Variants in KRT10 observed in about 807,000 individuals in gnomAD.
KRT10 encodes the protein keratin, type I cytoskeletal 10.
KRT10 carries 40 observed loss-of-function variants against 59.2 expected under a neutral mutation model. That is an observed-to-expected ratio of 0.68 (90% confidence interval 0.52 to 0.88). The LOEUF is 0.88. Ranked by LOEUF, KRT10 falls within the 40% of genes least tolerant of loss-of-function variation. The pLI is 0.00. For synonymous variants in KRT10, 336 were observed against 310.7 expected (o/e 1.08, Z -0.86); for missense variants, 719 against 749.1 (o/e 0.96, Z 0.47).
rs1370225874 is a variant in KRT10, at chr17:40,820,390, C to T, written c.901G>A (p.Asp301Asn). Residue 301 changes from aspartate (D) to asparagine (N), a missense_variant, in exon 4 of 8, where the codon GAT (aspartate) becomes AAT (asparagine). Asp to Asn is a conservative substitution (Grantham distance 23). Coordinates refer to ENST00000269576, the MANE Select transcript of KRT10 (RefSeq NM_000421.5). ...GCAGCATTCATTTCCACATTCACATCACCAGTGGACACATTTCGAAGGTCT... is the reference window on the plus strand; with the variant it reads ...GCAGCATTCATTTCCACATTCACATTACCAGTGGACACATTTCGAAGGTCT... ...MKDLRNVSTG[D>N]VNVEMNAAPG... The T allele has an allele frequency of 1.2e-6, 2 of 1,614,112 alleles. No individual in the cohort carries two copies. The highest frequency in any genetic ancestry group is 1.7e-6 in the Non-Finnish European group (2 of 1,180,046).
Position 40,822,016 on chromosome 17 carries a change from C to G in KRT10, c.570G>C (p.Gln190His), listed in dbSNP as rs200118465. 2.5e-5 allele frequency: 41 copies of G among 1,614,042 alleles called. No homozygotes were observed. The highest frequency in any genetic ancestry group is 1.6e-4 in the Middle Eastern group (1 of 6,084). The change falls in exon 1 of 8, where the codon CAG (glutamine) becomes CAC (histidine). Residue 190 changes from glutamine (Q) to histidine (H), a missense_variant. Coordinates refer to ENST00000269576, the MANE Select transcript of KRT10 (RefSeq NM_000421.5). ...ATTTGCTGTAGTCACGAGGCTCCCCCTGATGTGAGTTGCCATGCTTTTCAT... is the reference window on the plus strand; with the variant it reads ...ATTTGCTGTAGTCACGAGGCTCCCCGTGATGTGAGTTGCCATGCTTTTCAT... ...EWYEKHGNSH[Q>H]GEPRDYSKYY...
chr17:40,818,376 T>A lies in KRT10; in HGVS notation c.*100A>T. 6.4e-7 allele frequency: 1 copy of A among 1,557,138 alleles called. No individual in the cohort carries two copies. The highest frequency in any genetic ancestry group is 1.7e-5 in the Admixed American group (1 of 57,908). On this transcript the variant is annotated 3_prime_UTR_variant, in exon 8 of 8. Transcript: ENST00000269576. ...GGAGACTCTTTCCTCTTGATGCAGT[T>A]TAATAGTAGTGTTTCTTGGTTTCTG...
At position 40,822,052 on chromosome 17, in the gene KRT10, G is replaced by A; in HGVS notation, c.534C>T (p.Ile178=). ...EESNYELEGK[I]KEWYEKHGNS... The stretch of plus-strand genomic sequence containing the variant: ...TGCCATGCTTTTCATACCACTCCTT[G>A]ATTTTGCCTTCCAGCTCATAGTTTG... The change falls in exon 1 of 8, where the codon ATC becomes ATT. Residue 178 remains isoleucine, a synonymous_variant. Coordinates refer to ENST00000269576, the MANE Select transcript of KRT10 (RefSeq NM_000421.5). 6.2e-7 allele frequency: 1 copy of A among 1,614,082 alleles called. No homozygotes were observed. Among genetic ancestry groups the A allele is most frequent in the South Asian group, 1.1e-5 (1 of 91,074 alleles).
rs755521798 is a variant in KRT10, at chr17:40,821,041, C to G, written c.704G>C (p.Arg235Thr). 1.9e-6 allele frequency: 3 copies of G among 1,611,998 alleles called. No homozygotes were observed. In the South Asian group the frequency reaches 3.3e-5, roughly 18 times the overall value. ...DNARLAADDF[R>T]LKYENEVALR... The stretch of plus-strand genomic sequence containing the variant: ...CAACGATCACTTAACTTACTTCAGC[C>G]TGAAGTCATCAGCTGCCAGCCTGGC... Residue 235 changes from arginine (R) to threonine (T), a missense_variant, in exon 2 of 8, where the codon AGG becomes ACG. By Grantham distance (71) the Arg-to-Thr change is moderately conservative. Around this residue, in one of 4 missense-constraint regions of KRT10, gnomAD observed 221 missense variants for 277.8 expected, o/e 0.80. Transcript: ENST00000269576.
Position 40,820,278 on chromosome 17 carries a change from G to C in KRT10, c.1013C>G (p.Ala338Gly). The change falls in exon 4 of 8, where the codon GCC becomes GGC. Residue 338 changes from alanine to glycine, a missense_variant. Ala to Gly is a moderately conservative substitution (Grantham distance 60, BLOSUM62 0). This residue lies in a region of KRT10 where 221 missense variants were observed against 277.8 expected (regional missense o/e 0.80). Coordinates refer to ENST00000269576, the MANE Select transcript of KRT10 (RefSeq NM_000421.5). ...LAEQNRKDAE[A>G]WFNEKSKELT... ...TTACTTTACCTTTTCATTGAACCAGGCTTCAGCATCTTTGCGGTTTTGTTC... is the reference window on the plus strand; with the variant it reads ...TTACTTTACCTTTTCATTGAACCAGCCTTCAGCATCTTTGCGGTTTTGTTC... 2 of 1,614,142 alleles carry C rather than the reference G, an allele frequency of 1.2e-6. No homozygotes were observed. The highest frequency in any genetic ancestry group is 1.7e-6 in the Non-Finnish European group (2 of 1,180,030).
rs769845011 is a variant in KRT10, at chr17:40,822,494, ACTC to A, written c.89_91del (p.Gly30del). ...GCTGCTAGAAATTCTTAGGGATGAC[ACTC>A]CTCCTCCTCCTCCACATCCTCCTCC... On this transcript the variant is annotated inframe_deletion, in exon 1 of 8. Coordinates refer to ENST00000269576, the MANE Select transcript of KRT10 (RefSeq NM_000421.5). The A allele has an allele frequency of 1.3e-4, 204 of 1,604,558 alleles. No individual in the cohort carries two copies. Among genetic ancestry groups the A allele is most frequent in the Non-Finnish European group, 1.5e-4 (176 of 1,175,650 alleles).
rs1567706223 is a variant in KRT10, at chr17:40,818,911, A to AGCTGCT, written c.1623_1624insAGCAGC (p.Gly541_Tyr542insSerSer). On this transcript the variant is annotated inframe_insertion, in exon 7 of 8. Transcript: ENST00000269576. ...CCGCCGCCGGAGCTGCCGCCCCCGT[A>AGCTGCT]GCCGCCGCCGCCGCCGCCGGAACTG... The AGCTGCT allele has an allele frequency of 1.1e-4, 134 of 1,246,118 alleles. 2 individuals are homozygous for AGCTGCT. In the East Asian group the frequency reaches 3.6e-3, roughly 34 times the overall value. The allele number at this position is 1,246,118 out of a possible 1,614,324, so 77.2% of individuals were successfully genotyped here.
At chr17:40,821,923 A>G (rs1832292203) in intron 1 of KRT10, 36 bp downstream of exon 1, 1 of 1,606,620 alleles carries the variant, frequency 6.2e-7, no homozygotes, top group South Asian at 1.1e-5. Flanking sequence ...TTACATGGAC[A>G]AGATACTTAA....
chr17:40,822,331 A>G lies in KRT10; in HGVS notation c.255T>C (p.Phe85=). 2 of 1,596,374 alleles carry G rather than the reference A, an allele frequency of 1.3e-6. No individual in the cohort carries two copies. Among genetic ancestry groups the G allele is most frequent in the Non-Finnish European group, 1.7e-6 (2 of 1,170,454 alleles). Reference sequence around the variant, plus strand: ...AGCTGCTACTTCCATAGCTTCCACGAAAGCTACCTCCACCAAAACCTCCTA... The same window carrying G: ...AGCTGCTACTTCCATAGCTTCCACGGAAGCTACCTCCACCAAAACCTCCTA... ...GGLGGFGGGS[F]RGSYGSSSFG... The change falls in exon 1 of 8, where the codon TTT becomes TTC. Residue 85 remains phenylalanine, a synonymous_variant. Transcript: ENST00000269576.
chr17:40,821,621 C>G (rs1318056597), intron 1 of KRT10, among the ~76,000 whole-genome samples: 1 of 151,994 alleles, frequency 6.6e-6, no homozygotes, highest in East Asian at 1.9e-4. Context: ...GTCTGAATAA[C>G]ATTTTGTTCT....
At chr17:40,821,166 G>A (rs1397175012) in intron 1 of KRT10, 49 bp from the exon 2 acceptor site, 1 of 1,353,770 alleles carries the variant, frequency 7.4e-7, no homozygotes, top group Non-Finnish European at 1.1e-6. Flanking sequence ...TGCAGATATG[G>A]CTTTTGTAGT....
Position 40,820,451 on chromosome 17 carries a change from G to C in KRT10, c.868-28C>G, listed in dbSNP as rs995954238. The C allele has an allele frequency of 1.9e-6, 3 of 1,614,014 alleles. No individual in the cohort carries two copies. In the African/African-American group the frequency reaches 4.0e-5, roughly 22 times the overall value. ...GTTTGAGGAACAGAAAGATTTATTG[G>C]CTACACGAGGACCATAATGAACTCT... On this transcript the variant is annotated intron_variant, in intron 3 of 7. Transcript: ENST00000269576.
Position 40,821,230 on chromosome 17 carries a change from A to T in KRT10, c.628-113T>A, listed in dbSNP as rs975920104. The T allele has an allele frequency of 7.8e-6, 6 of 765,094 alleles. No individual in the cohort carries two copies. The African/African-American group carries it at 8.7e-5, about 11-fold the overall frequency. 47.4% of individuals were successfully genotyped at this position (765,094 alleles called of 1,614,324 possible). On this transcript the variant is annotated intron_variant, in intron 1 of 7. Transcript: ENST00000269576. ...TGTTCTCTTACAAAATCTTGGGAAA[A>T]TTTTTTATTTTAAATATGAAATATT...
At position 40,822,592 on chromosome 17, in the gene KRT10, G is replaced by A; in HGVS notation, c.-7C>T. ...AGCTGTATCGAACAGACATGGTGAT[G>A]CTGTTTAGCCCAGGGAGTGCCTGCT... On this transcript the variant is annotated 5_prime_UTR_variant, in exon 1 of 8. Coordinates refer to ENST00000269576, the MANE Select transcript of KRT10 (RefSeq NM_000421.5). The A allele has an allele frequency of 6.2e-7, 1 of 1,600,202 alleles. No homozygotes were observed. Among genetic ancestry groups the A allele is most frequent in the Non-Finnish European group, 8.5e-7 (1 of 1,179,940 alleles).
chr17:40,821,275 T>C (rs1905367083), intron 1 of KRT10, among the ~76,000 whole-genome samples, 158 bp from the exon 2 acceptor site: 1 of 152,240 alleles, frequency 6.6e-6, no homozygotes, highest in African/African-American at 2.4e-5. Flanking sequence ...CCCATATACT[T>C]AACTTTGAAT....
rs1402287689 is a variant in KRT10 at position 40,822,340 on chromosome 17, T to G, written c.246A>C (p.Gly82=). ...GGYGGLGGFG[G]GSFRGSYGSS... ...TTCCATAGCTTCCACGAAAGCTACC[T>G]CCACCAAAACCTCCTAATCCTCCAT... Residue 82 remains glycine (G), a synonymous_variant, in exon 1 of 8, where the codon GGA becomes GGC. Coordinates refer to ENST00000269576, the MANE Select transcript of KRT10 (RefSeq NM_000421.5). 3 of 1,595,832 alleles carry G rather than the reference T, an allele frequency of 1.9e-6. No individual in the cohort carries two copies. Among genetic ancestry groups the G allele is most frequent in the East Asian group, 2.2e-5 (1 of 44,544 alleles).
At position 40,818,387 on chromosome 17, in the gene KRT10, G is replaced by A; in HGVS notation, c.*89C>T. 1 of 1,589,118 alleles carries A rather than the reference G, an allele frequency of 6.3e-7. No homozygotes were observed. Among genetic ancestry groups the A allele is most frequent in the Non-Finnish European group, 8.6e-7 (1 of 1,159,786 alleles). Reference sequence around the variant, plus strand: ...CCTCTTGATGCAGTTTAATAGTAGTGTTTCTTGGTTTCTGATTCAACCATA... The same window carrying A: ...CCTCTTGATGCAGTTTAATAGTAGTATTTCTTGGTTTCTGATTCAACCATA... On this transcript the variant is annotated 3_prime_UTR_variant, in exon 8 of 8. Coordinates refer to ENST00000269576, the MANE Select transcript of KRT10 (RefSeq NM_000421.5).
chr17:40,818,511 AAC>A, intron 7 of KRT10, 29 bp from the exon 8 acceptor site: 1 of 1,452,834 alleles, frequency 6.9e-7, no homozygotes, highest in South Asian at 1.1e-5. Context: ...AAAAATTTTA[AAC>A]AGTCTGTAGG....
chr17:40,818,519 G>T, intron 7 of KRT10, 37 bp from the exon 8 acceptor site: 1 of 1,375,218 alleles, frequency 7.3e-7, no homozygotes, highest in Non-Finnish European at 1.0e-6. Flanking sequence ...TAAACAGTCT[G>T]TAGGGATCCT....
Sources: gnomAD v4.1 joint callset for allele counts (sites outside exome capture counted in the v4.1 genomes callset) on GRCh38, gnomAD v4.1.1 for gene constraint, gnomAD v4.1.1 regional missense constraint, MANE v1.5 for transcripts, NCBI Gene and HGNC (gene_info 2026-07-23, HGNC 2026-07-21) for gene names.